The following CDH18 variants were observed in gnomAD, a reference collection of about 807,000 sequenced individuals.
CDH18 encodes cadherin 18, also known as cadherin-18.
CDH18 carries 31 observed loss-of-function variants against 67.9 expected under a neutral mutation model. That is an observed-to-expected ratio of 0.46 (90% CI 0.34 to 0.62). The LOEUF (loss-of-function observed/expected upper bound fraction) is 0.62, where lower values mean the gene tolerates loss of function less well. Ranked by LOEUF, CDH18 falls within the 20% of genes least tolerant of loss-of-function variation. The pLI is 0.01. For synonymous variants in CDH18, 362 were observed against 347.2 expected (o/e 1.04, Z -0.48); for missense variants, 890 against 975.5 (o/e 0.91, Z 1.17).
intron 2 of CDH18, among the ~76,000 whole-genome samples, chr5:20,051,767 T>C (rs77368069): frequency 0.035 from 5,366 of 152,124 alleles, 316 homozygotes; most frequent in African/African-American, 0.12. Context: ...AAATAATTCT[T>C]ATTGGAGAAA....
At chr5:19,780,892 T>C (rs1447364548) in intron 3 of CDH18, among the ~76,000 whole-genome samples, 3 of 152,134 alleles carry the variant, frequency 2.0e-5, no homozygotes, top group African/African-American at 7.2e-5. Context: ...AAGGAGCCTA[T>C]ACTTCTTAGC....
At chr5:20,034,196 T>C (rs1416931587) in intron 2 of CDH18, among the ~76,000 whole-genome samples, 12 of 151,982 alleles carry the variant, frequency 7.9e-5, no homozygotes, top group Admixed American at 7.9e-4. Context: ...GAGACTAAAA[T>C]ATCAGGGCTA....
At chr5:20,133,567 T>G (rs1749449586) in intron 2 of CDH18, among the ~76,000 whole-genome samples, 1 of 152,182 alleles carries the variant, frequency 6.6e-6, no homozygotes, top group African/African-American at 2.4e-5. Context: ...TTATTTGTTT[T>G]TGTTTTCTTT....
intron 4 of CDH18, among the ~76,000 whole-genome samples, chr5:19,741,361 CAT>C (rs1554020340): frequency 2.2e-5 from 3 of 134,610 alleles, no homozygotes; most frequent in African/African-American, 7.9e-5. Flanking sequence ...CACACACACA[CAT>C]ATATGACAGC....
chr5:20,232,401 A>G (rs1175822110), intron 2 of CDH18, among the ~76,000 whole-genome samples: 7 of 152,174 alleles, frequency 4.6e-5, no homozygotes, highest in Non-Finnish European at 1.0e-4. Context: ...GATGTTGGAA[A>G]ATAAAGGAAA....
intron 3 of CDH18, among the ~76,000 whole-genome samples, chr5:19,749,679 A>C (rs563436769): frequency 6.6e-6 from 1 of 151,166 alleles, no homozygotes; most frequent in Admixed American, 6.6e-5. Flanking sequence ...TTAAGCATCT[A>C]TTAAATATAT....
intron 1 of CDH18, among the ~76,000 whole-genome samples, chr5:20,468,786 G>A (rs540787293): frequency 4.7e-4 from 72 of 152,158 alleles, no homozygotes; most frequent in African/African-American, 1.7e-3. Context: ...CAAAACCATT[G>A]ATTGAACGGT....
At chr5:19,669,254 T>C (rs1758406085) in intron 5 of CDH18, among the ~76,000 whole-genome samples, 1 of 145,470 alleles carries the variant, frequency 6.9e-6, no homozygotes, top group South Asian at 2.1e-4. Flanking sequence ...ATATTATATA[T>C]AAAATATTAT....
chr5:20,010,899 T>C (rs1316469203), intron 2 of CDH18, among the ~76,000 whole-genome samples: 1 of 152,170 alleles, frequency 6.6e-6, no homozygotes, highest in African/African-American at 2.4e-5. Context: ...TCCTCTGACT[T>C]TTACATCCAA....
At position 20,502,659 on chromosome 5, in the gene CDH18, A is replaced by G. The variant is rs192285472; in HGVS notation, c.-580+72803T>C. 2.4e-3 allele frequency among the ~76,000 whole-genome samples: 367 copies of G among 152,320 alleles called. 1 individual carries two copies. The highest frequency in any genetic ancestry group is 8.0e-3 in the African/African-American group (332 of 41,566). On this transcript the variant is annotated intron_variant, in intron 1 of 14. Coordinates refer to the CDH18 transcript ENST00000507958. ...AAATAATTATGTTTTTGAATTTAAGAGATAAATATGATCATGACATTGATC... is the reference window on the plus strand; with the variant it reads ...AAATAATTATGTTTTTGAATTTAAGGGATAAATATGATCATGACATTGATC...
intron 2 of CDH18, among the ~76,000 whole-genome samples, chr5:20,221,913 T>C (rs1378821072): frequency 6.6e-6 from 1 of 152,176 alleles, no homozygotes; most frequent in African/African-American, 2.4e-5. Flanking sequence ...CTTTCTTCCT[T>C]TTGCAGGTTT....
intron 4 of CDH18, among the ~76,000 whole-genome samples, chr5:19,728,093 C>T (rs1767098717): frequency 6.6e-6 from 1 of 152,048 alleles, no homozygotes; most frequent in African/African-American, 2.4e-5. Flanking sequence ...TATATATTGT[C>T]TAAAATTCCA....
intron 1 of CDH18, among the ~76,000 whole-genome samples, chr5:20,326,272 T>C (rs1390722917): frequency 6.6e-6 from 1 of 152,138 alleles, no homozygotes; most frequent in African/African-American, 2.4e-5. Flanking sequence ...AATCTGAGAA[T>C]CCCTGGTATA....
intron 2 of CDH18, among the ~76,000 whole-genome samples, chr5:20,218,800 C>T (rs2126434596): frequency 6.6e-6 from 1 of 152,080 alleles, no homozygotes; most frequent in South Asian, 2.1e-4. Flanking sequence ...CCAAGTGGAA[C>T]TTAAGTCCAG....
intron 5 of CDH18, among the ~76,000 whole-genome samples, chr5:19,711,650 TAAAA>T (rs3062941): frequency 1.7e-5 from 2 of 115,574 alleles, no homozygotes; most frequent in South Asian, 2.7e-4. Context: ...TAGTATAAAG[TAAAA>T]AAAAAAAAAA....
chr5:19,605,749 T>C (rs556665454), intron 6 of CDH18, among the ~76,000 whole-genome samples: 4 of 152,098 alleles, frequency 2.6e-5, no homozygotes, highest in Non-Finnish European at 4.4e-5. Context: ...TATATGCACA[T>C]ATACTGAGGG....
At chr5:19,686,878 T>G (rs1761169332) in intron 5 of CDH18, among the ~76,000 whole-genome samples, 1 of 152,214 alleles carries the variant, frequency 6.6e-6, no homozygotes, top group Non-Finnish European at 1.5e-5. Flanking sequence ...AAGGAAACTG[T>G]GTTGGAATTT....
chr5:19,527,192 G>A (rs930068944), intron 9 of CDH18, among the ~76,000 whole-genome samples: 1 of 151,688 alleles, frequency 6.6e-6, no homozygotes, highest in East Asian at 1.9e-4. Flanking sequence ...GTGCTCAAAT[G>A]AAAACAAACT....
At chr5:20,366,767 A>G (rs762359702) in intron 1 of CDH18, among the ~76,000 whole-genome samples, 1 of 152,170 alleles carries the variant, frequency 6.6e-6, no homozygotes. Context: ...GCATTATTTC[A>G]TGGAGTCCAT....
Sources: allele counts gnomAD v4.1 joint callset (sites outside exome capture counted in the v4.1 genomes callset), GRCh38; gene constraint gnomAD v4.1.1; transcripts MANE v1.5; gene names NCBI Gene and HGNC (gene_info 2026-07-23, HGNC 2026-07-21).